CASR: variants seen among roughly 807,000 people sequenced by gnomAD.
CASR encodes extracellular calcium-sensing receptor.
CASR carries 23 observed loss-of-function variants against 69.1 expected under a neutral mutation model. The observed-to-expected ratio is 0.33, with a 90% CI of 0.24 to 0.47. The LOEUF is 0.47. Ranked by LOEUF, CASR falls within the 20% of genes least tolerant of loss-of-function variation. CASR has a pLI of 1.00. For synonymous variants in CASR, 541 were observed against 544.7 expected, an observed-to-expected ratio of 0.99 and a Z score of 0.10; for missense variants, 924 against 1,356.1, an observed-to-expected ratio of 0.68 and a Z score of 5.00.
At chr3:122,242,989 A>G (rs1171243439) in intron 1 of CASR, among the ~76,000 whole-genome samples, 1 of 152,172 alleles carries the variant, frequency 6.6e-6, no homozygotes, top group Non-Finnish European at 1.5e-5. Context: ...GAATGAAACT[A>G]GACCTCTGTC....
intron 1 of CASR, chr3:122,247,151 C>G (rs939953413): frequency 6.6e-6 from 1 of 152,186 alleles, no homozygotes; most frequent in Non-Finnish European, 1.5e-5. Flanking sequence ...TTCACGGCAT[C>G]ATGAAAAGTG....
chr3:122,288,828 A>G lies in CASR; in HGVS notation c.*3637A>G, dbSNP rs1418454434. 6.6e-6 allele frequency: 1 copy of G among 152,178 alleles called. No homozygotes were observed. The highest frequency in any genetic ancestry group is 1.5e-5 in the Non-Finnish European group (1 of 68,020). The allele number at this position is 152,178 out of a possible 1,614,324, so 9.4% of individuals were successfully genotyped here. A position where few individuals can be genotyped will look rare whatever the true frequency, so the allele number is the denominator to read the frequency against. ...TCTTAGGTTTTGTTAACAATGGGAA[A>G]CTGCTTACATTTCTTTTGAAAATTA... On this transcript the variant is annotated 3_prime_UTR_variant, in exon 7 of 7. Coordinates refer to ENST00000639785, the MANE Select transcript of CASR (RefSeq NM_000388.4).
intron 1 of CASR, among the ~76,000 whole-genome samples, chr3:122,232,367 G>A (rs2074286780): frequency 6.6e-6 from 1 of 152,186 alleles, no homozygotes; most frequent in Admixed American, 6.5e-5. Flanking sequence ...ACCAGGAGGG[G>A]CTTCCTTGAG....
chr3:122,222,101 G>A (rs1576831228), intron 1 of CASR, among the ~76,000 whole-genome samples: 1 of 152,142 alleles, frequency 6.6e-6, no homozygotes, highest in African/African-American at 2.4e-5. Context: ...TTCTGGAATA[G>A]CCTCTAAAAG....
intron 1 of CASR, among the ~76,000 whole-genome samples, chr3:122,201,694 C>T (rs1160222777): frequency 7.1e-5 from 8 of 112,958 alleles, no homozygotes; most frequent in Non-Finnish European, 1.2e-4. Context: ...ACCTCCCTCC[C>T]GGACGGGGCG....
At chr3:122,215,726 A>G (rs1472456139) in intron 1 of CASR, among the ~76,000 whole-genome samples, 1 of 152,222 alleles carries the variant, frequency 6.6e-6, no homozygotes, top group Non-Finnish European at 1.5e-5. Flanking sequence ...ATTGAAGTCC[A>G]GTGAATAAGG....
At chr3:122,199,884 GTTTT>G (rs2073925194) in intron 1 of CASR, among the ~76,000 whole-genome samples, 1 of 151,882 alleles carries the variant, frequency 6.6e-6, no homozygotes, top group Admixed American at 6.6e-5. Context: ...AAGAGCAGTT[GTTTT>G]TTGTTTTTTT....
chr3:122,279,199 T>C (rs2107646156), intron 5 of CASR, among the ~76,000 whole-genome samples: 1 of 152,302 alleles, frequency 6.6e-6, no homozygotes, highest in South Asian at 2.1e-4. Flanking sequence ...AGAAAGAGTC[T>C]AGGTGTCCAA....
At chr3:122,205,883 G>A (rs1040232751) in intron 1 of CASR, among the ~76,000 whole-genome samples, 1 of 151,928 alleles carries the variant, frequency 6.6e-6, no homozygotes, top group African/African-American at 2.4e-5. Flanking sequence ...CACTGGTGGT[G>A]TATATAAATG....
chr3:122,219,003 T>C lies in CASR; in HGVS notation c.-242-34945T>C, dbSNP rs565730575. Among the ~76,000 whole-genome samples, 6 of 152,254 alleles carry C rather than the reference T, an allele frequency of 3.9e-5. No individual in the cohort carries two copies. The East Asian group carries it at 9.7e-4, about 25-fold the overall frequency. ...AGAGGAAACAGTAAGTTCAAAGATC[T>C]TGATGTATTCCAGGAATAGGTGGGA... is the stretch of plus-strand genomic sequence containing the variant. On this transcript the variant is annotated intron_variant, in intron 1 of 6. Transcript: ENST00000639785.
At position 122,284,589 on chromosome 3, in the gene CASR, C is replaced by G. The variant is rs1553769153; in HGVS notation, c.2635C>G (p.His879Asp). 1 of 1,614,078 alleles carries G rather than the reference C, an allele frequency of 6.2e-7. No homozygotes were observed. The highest frequency in any genetic ancestry group is 1.3e-5 in the African/African-American group (1 of 74,952). ...GGAGGTGCGTTGCAGCACCGCAGCT[C>G]ACGCTTTCAAGGTGGCTGCCCGGGC... ...IEEVRCSTAAHAFKVAARATL... is the reference protein window; with the variant it reads ...IEEVRCSTAADAFKVAARATL... Residue 879 changes from histidine to aspartate, a missense_variant, in exon 7 of 7, where the codon CAC (histidine) becomes GAC (aspartate). His to Asp is a moderately conservative substitution (Grantham distance 81, BLOSUM62 -1). This residue lies in a region of CASR where 42 missense variants were observed against 73.2 expected (regional missense o/e 0.57). Transcript: ENST00000639785.
chr3:122,237,642 G>A (rs952994727), intron 1 of CASR, among the ~76,000 whole-genome samples: 1 of 152,208 alleles, frequency 6.6e-6, no homozygotes, highest in Non-Finnish European at 1.5e-5. Flanking sequence ...AAGAAACTCA[G>A]AAGATTACAT....
chr3:122,214,893 CT>C (rs34169507), intron 1 of CASR, among the ~76,000 whole-genome samples: 110,171 of 152,026 alleles, frequency 0.72, 40,167 homozygotes, highest in Admixed American at 0.82. Flanking sequence ...TGATAAATGA[CT>C]TGCTTTTCTT....
chr3:122,262,966 T>C (rs2074645767), intron 4 of CASR, among the ~76,000 whole-genome samples: 1 of 152,186 alleles, frequency 6.6e-6, no homozygotes, highest in Non-Finnish European at 1.5e-5. Flanking sequence ...ATATTGAGTG[T>C]TTCAAAAAGA....
At chr3:122,250,933 C>T (rs1412238196) in intron 1 of CASR, among the ~76,000 whole-genome samples, 1 of 152,100 alleles carries the variant, frequency 6.6e-6, no homozygotes. Flanking sequence ...TATAAACATG[C>T]ATGTGTTTGT....
chr3:122,202,719 T>C (rs2073969672), intron 1 of CASR, among the ~76,000 whole-genome samples: 1 of 152,242 alleles, frequency 6.6e-6, no homozygotes, highest in South Asian at 2.1e-4. Flanking sequence ...GTTTTTTTGC[T>C]AAGAAACCTT....
intron 1 of CASR, among the ~76,000 whole-genome samples, chr3:122,193,279 C>T (rs1231799912): frequency 2.0e-5 from 3 of 151,580 alleles, no homozygotes; most frequent in Non-Finnish European, 4.4e-5. Flanking sequence ...TGCAGTGGGG[C>T]GATCTCAGCT....
intron 1 of CASR, among the ~76,000 whole-genome samples, chr3:122,184,857 A>T (rs528470651): frequency 2.0e-5 from 3 of 152,326 alleles, no homozygotes; most frequent in African/African-American, 7.2e-5. Context: ...ATAGTCAGAA[A>T]GGACTCGCTT....
chr3:122,201,591 T>C (rs1205532709), intron 1 of CASR, among the ~76,000 whole-genome samples: 1 of 151,002 alleles, frequency 6.6e-6, no homozygotes, highest in African/African-American at 2.4e-5. Context: ...GCAGAGGCAC[T>C]CCTCACCTCC....
Sources: gnomAD v4.1 joint callset for allele counts (sites outside exome capture counted in the v4.1 genomes callset) on GRCh38, gnomAD v4.1.1 for gene constraint, gnomAD v4.1.1 regional missense constraint, MANE v1.5 for transcripts, NCBI Gene and HGNC (gene_info 2026-07-23, HGNC 2026-07-21) for gene names.